The following FRMPD2 variants were observed in gnomAD, a reference collection of about 807,000 sequenced individuals.
FRMPD2 encodes the protein FERM and PDZ domain-containing protein 2.
Under a neutral mutation model 140.1 loss-of-function variants are expected in FRMPD2, and 96 were observed. That is an observed-to-expected ratio of 0.69 (90% CI 0.58 to 0.81). The LOEUF (loss-of-function observed/expected upper bound fraction) is 0.81, where lower values mean the gene tolerates loss of function less well. Among genes scored for constraint, FRMPD2 ranks in the 40% least tolerant of loss-of-function variants. FRMPD2 has a pLI of 0.00. For missense variants in FRMPD2, 1,240 were observed against 1,447.4 expected, an observed-to-expected ratio of 0.86 and a Z score of 2.32; for synonymous variants, 449 against 547.6, an observed-to-expected ratio of 0.82 and a Z score of 2.52.
rs767534511 is a variant in FRMPD2, at chr10:48,223,119, T to C, written c.1316+4A>G. On this transcript the variant is annotated splice_donor_region_variant and intron_variant, in intron 11 of 28. Transcript: ENST00000374201. ...GAACAAATGAACAGGTTTGCAGCACTCACTGGAGCAGCCCATAGTGGCTGA... is the reference window on the plus strand; with the variant it reads ...GAACAAATGAACAGGTTTGCAGCACCCACTGGAGCAGCCCATAGTGGCTGA... The C allele has an allele frequency of 6.2e-7, 1 of 1,611,036 alleles. No homozygotes were observed. The highest frequency in any genetic ancestry group is 1.1e-5 in the South Asian group (1 of 90,720).
intron 8 of FRMPD2, 105 bp downstream of exon 8, chr10:48,237,886 G>T: frequency 2.2e-6 from 3 of 1,359,904 alleles, no homozygotes; most frequent in Non-Finnish European, 3.1e-6. Flanking sequence ...GCCCAGGGAA[G>T]TTGTCCCCTA....
At chr10:48,208,824 A>C (rs1839257088) in intron 13 of FRMPD2, among the ~76,000 whole-genome samples, 1 of 152,152 alleles carries the variant, frequency 6.6e-6, no homozygotes. Flanking sequence ...TCTTCCTTAC[A>C]ACAGGTAGCA....
At chr10:48,264,013 T>C (rs1378936584) in intron 1 of FRMPD2, among the ~76,000 whole-genome samples, 1 of 152,042 alleles carries the variant, frequency 6.6e-6, no homozygotes, top group Non-Finnish European at 1.5e-5. Context: ...AACCCACCAC[T>C]TTCATGGACT....
At chr10:48,260,139 G>A (rs1288236793) in intron 1 of FRMPD2, among the ~76,000 whole-genome samples, 1 of 151,722 alleles carries the variant, frequency 6.6e-6, no homozygotes. Flanking sequence ...AGGTAATAAT[G>A]GCTAAGAATA....
At chr10:48,240,518 C>G (rs1389895413) in intron 5 of FRMPD2, 26 bp from the exon 6 acceptor site, 1 of 1,612,738 alleles carries the variant, frequency 6.2e-7, no homozygotes, top group Admixed American at 1.7e-5. Flanking sequence ...ATCACACATC[C>G]ACATCCCAAG....
intron 13 of FRMPD2, among the ~76,000 whole-genome samples, chr10:48,208,006 C>T (rs1016805711): frequency 1.3e-5 from 2 of 152,134 alleles, no homozygotes; most frequent in Middle Eastern, 3.2e-3. Flanking sequence ...GAACCCTAAG[C>T]CTCCTTCGTT....
intron 20 of FRMPD2, among the ~76,000 whole-genome samples, chr10:48,182,493 CT>C: frequency 6.6e-6 from 1 of 152,206 alleles, no homozygotes; most frequent in Non-Finnish European, 1.5e-5. Context: ...GCCCAGCTGC[CT>C]TAACAGCAGC....
intron 10 of FRMPD2, among the ~76,000 whole-genome samples, chr10:48,231,899 A>G (rs1379807143): frequency 6.6e-6 from 1 of 152,196 alleles, no homozygotes; most frequent in Non-Finnish European, 1.5e-5. Context: ...AGAAACCCAC[A>G]TCTTACACTC....
intron 13 of FRMPD2, among the ~76,000 whole-genome samples, chr10:48,211,674 G>A (rs1033035730): frequency 1.3e-5 from 2 of 151,892 alleles, no homozygotes; most frequent in Non-Finnish European, 1.5e-5. Flanking sequence ...CCCAGAGCGA[G>A]ACTCCATCTC....
At chr10:48,175,299 G>A (rs1242531383) in intron 23 of FRMPD2, among the ~76,000 whole-genome samples, 1 of 152,148 alleles carries the variant, frequency 6.6e-6, no homozygotes, top group African/African-American at 2.4e-5. Context: ...TCTCCAGCAT[G>A]TATTTTTTTT....
At chr10:48,181,697 T>A (rs72792219) in intron 20 of FRMPD2, among the ~76,000 whole-genome samples, 26,975 of 151,592 alleles carry the variant, frequency 0.18, 2,918 homozygotes, top group East Asian at 0.43. Context: ...GTGCTTAACA[T>A]AACTGAACCT....
intron 1 of FRMPD2, among the ~76,000 whole-genome samples, chr10:48,263,659 C>G (rs999468527): frequency 1.3e-4 from 20 of 152,120 alleles, no homozygotes; most frequent in Admixed American, 1.2e-3. Context: ...TAATTAATGG[C>G]CTTCCAAAAC....
intron 1 of FRMPD2, among the ~76,000 whole-genome samples, chr10:48,255,154 C>T (rs1840464246): frequency 6.6e-6 from 1 of 152,070 alleles, no homozygotes; most frequent in Admixed American, 6.5e-5. Context: ...ATAGACTGAC[C>T]CTCTATACTG....
At chr10:48,252,545 T>C (rs984886872) in intron 1 of FRMPD2, among the ~76,000 whole-genome samples, 2 of 152,032 alleles carry the variant, frequency 1.3e-5, no homozygotes, top group Non-Finnish European at 2.9e-5. Flanking sequence ...CCATCCCCCA[T>C]TGACACACTA....
At chr10:48,174,840 G>C (rs1838363821) in intron 24 of FRMPD2, 30 bp downstream of exon 24, 1 of 628,668 alleles carries the variant, frequency 1.6e-6, no homozygotes, top group African/African-American at 1.9e-5. Context: ...TCCGGAAGGA[G>C]GGGAAGCTGG....
At chr10:48,273,080 A>C (rs990797294) in intron 1 of FRMPD2, among the ~76,000 whole-genome samples, 1 of 152,238 alleles carries the variant, frequency 6.6e-6, no homozygotes, top group Non-Finnish European at 1.5e-5. Context: ...TGCAATATAC[A>C]TCCTTCATAT....
chr10:48,182,940 C>A (rs1838586924), intron 20 of FRMPD2, among the ~76,000 whole-genome samples: 1 of 152,154 alleles, frequency 6.6e-6, no homozygotes, highest in Admixed American at 6.5e-5. Flanking sequence ...GCTGGGAAAT[C>A]CAACAGACAG....
intron 27 of FRMPD2, 70 bp from the exon 28 acceptor site, chr10:48,163,741 T>C: frequency 1.2e-6 from 1 of 811,030 alleles, no homozygotes; most frequent in South Asian, 1.4e-5. Context: ...ACAAAGCTTT[T>C]TTCCCCCATG....
intron 11 of FRMPD2, 88 bp downstream of exon 11, chr10:48,223,035 C>G: frequency 8.2e-7 from 1 of 1,226,426 alleles, no homozygotes; most frequent in Non-Finnish European, 1.1e-6. Context: ...TTACAGTTTG[C>G]AAAGCACTTG....
Sources: allele counts gnomAD v4.1 joint callset (sites outside exome capture counted in the v4.1 genomes callset), GRCh38; gene constraint gnomAD v4.1.1; transcripts MANE v1.5; gene names NCBI Gene and HGNC (gene_info 2026-07-23, HGNC 2026-07-21).